DLGAP1: variants seen among roughly 807,000 people sequenced by gnomAD.
DLGAP1 encodes DLG associated protein 1.
A neutral mutation model predicts 90.8 loss-of-function variants in DLGAP1; 11 were observed. That is an observed-to-expected ratio of 0.12 (90% CI 0.08 to 0.20). DLGAP1 has a LOEUF of 0.20. DLGAP1 is among the 10% of genes least tolerant of loss of function. The pLI is 1.00. For synonymous variants in DLGAP1, 558 were observed against 540.7 expected (o/e 1.03, Z -0.44); for missense variants, 1,050 against 1,333.8 (o/e 0.79, Z 3.31).
intron 3 of DLGAP1, among the ~76,000 whole-genome samples, chr18:3,916,247 T>G (rs2148903252): frequency 6.6e-6 from 1 of 152,314 alleles, no homozygotes; most frequent in Non-Finnish European, 1.5e-5. Context: ...AATCTGTTTT[T>G]GTGCCCGTGT....
At chr18:3,804,988 G>A (rs564704589) in intron 5 of DLGAP1, among the ~76,000 whole-genome samples, 76 of 152,340 alleles carry the variant, frequency 5.0e-4, no homozygotes, top group Middle Eastern at 3.4e-3. Context: ...AGATTTAAAA[G>A]AATGGAGACT....
intron 7 of DLGAP1, among the ~76,000 whole-genome samples, chr18:3,636,720 T>C (rs1440778276): frequency 7.3e-6 from 1 of 136,136 alleles, no homozygotes; most frequent in Non-Finnish European, 1.5e-5. Context: ...TCGGCCACTT[T>C]TACATCTTTT....
chr18:3,499,021 G>C lies in DLGAP1; in HGVS notation c.*164C>G, dbSNP rs976798632. Reference sequence around the variant, plus strand: ...GGGTACGGGAAGTGGGGGGCTGAGGGGGGCCCGGGGGGCGGCTCCTGCGAG... The same window carrying C: ...GGGTACGGGAAGTGGGGGGCTGAGGCGGGCCCGGGGGGCGGCTCCTGCGAG... On this transcript the variant is annotated 3_prime_UTR_variant, in exon 13 of 13. Coordinates refer to ENST00000315677, the MANE Select transcript of DLGAP1 (RefSeq NM_004746.4). This position sits in a 1 kb window ranked among gnomAD's most constrained non-coding sequence, Gnocchi z 6.4. 3.2e-5 allele frequency: 20 copies of C among 616,826 alleles called. No homozygotes were observed. Among genetic ancestry groups the C allele is most frequent in the Middle Eastern group, 4.4e-4 (1 of 2,250 alleles). The allele number at this position is 616,826 out of a possible 1,614,324, so 38.2% of individuals were successfully genotyped here. A position where few individuals can be genotyped will look rare whatever the true frequency, so the allele number is the denominator to read the frequency against.
At chr18:3,741,179 CCACCACCACCACCACCACCAAAT>C (rs1568049173) in intron 6 of DLGAP1, among the ~76,000 whole-genome samples, 1 of 77,980 alleles carries the variant, frequency 1.3e-5, no homozygotes, top group African/African-American at 5.6e-5. Context: ...CACATCACCA[CCACCACCACCACCACCACCAAAT>C]CACCACCACC....
chr18:3,874,901 C>G (rs966381833), intron 4 of DLGAP1: 3 of 644,482 alleles, frequency 4.7e-6, no homozygotes, highest in Non-Finnish European at 6.8e-6. Flanking sequence ...CTGGGACTTG[C>G]AACGATTTCA....
At chr18:3,919,483 C>T (rs560355927) in intron 3 of DLGAP1, among the ~76,000 whole-genome samples, 5 of 152,292 alleles carry the variant, frequency 3.3e-5, no homozygotes, top group East Asian at 3.9e-4. Flanking sequence ...GAGGGAGCTA[C>T]GGATGATTTT....
chr18:4,340,281 G>A (rs1199246308), intron 1 of DLGAP1, among the ~76,000 whole-genome samples: 1 of 152,168 alleles, frequency 6.6e-6, no homozygotes, highest in Non-Finnish European at 1.5e-5. Flanking sequence ...GGTGGGGAGT[G>A]TAGACCCTGT....
rs923314204 is a variant in DLGAP1 at position 4,455,093 on chromosome 18, G to C, written c.-354C>G. The C allele has an allele frequency of 5.3e-5, 8 of 151,928 alleles. No individual in the cohort carries two copies. The highest frequency in any genetic ancestry group is 7.2e-5 in the African/African-American group (3 of 41,400). The allele number at this position is 151,928 out of a possible 1,614,324, so 9.4% of individuals were successfully genotyped here. A position where few individuals can be genotyped will look rare whatever the true frequency, so the allele number is the denominator to read the frequency against. ...GGAGGAAGGAGAGAGATGTCCCCGC[G>C]ACCAGGACCGGCTCTCAGCGAGGTG... On this transcript the variant is annotated 5_prime_UTR_variant, in exon 1 of 13. Transcript: ENST00000315677.
chr18:3,635,297 AT>A (rs763659561), intron 7 of DLGAP1, among the ~76,000 whole-genome samples: 3 of 151,570 alleles, frequency 2.0e-5, no homozygotes, highest in Admixed American at 6.6e-5. Context: ...CGCCCGGCTG[AT>A]TTTTTTGTAT....
intron 2 of DLGAP1, among the ~76,000 whole-genome samples, chr18:4,098,473 G>A (rs911790341): frequency 6.6e-6 from 1 of 152,176 alleles, no homozygotes; most frequent in Non-Finnish European, 1.5e-5. Flanking sequence ...CCAGTCCAGG[G>A]CTGCAGTGAT....
chr18:4,137,247 T>C (rs945148213), intron 2 of DLGAP1, among the ~76,000 whole-genome samples: 5 of 152,226 alleles, frequency 3.3e-5, no homozygotes, highest in African/African-American at 1.2e-4. Flanking sequence ...TTTTTATGGC[T>C]GCATAGTATT....
intron 1 of DLGAP1, among the ~76,000 whole-genome samples, chr18:4,219,821 CCTGTTTTATTGTTCACTGTGT>C (rs1207898383): frequency 7.2e-5 from 11 of 152,010 alleles, no homozygotes; most frequent in Non-Finnish European, 1.3e-4. Flanking sequence ...GTGTTTCTAT[CCTGTTTTATTGTTCACTGTGT>C]CTGTTTTTAT....
chr18:4,034,266 A>T (rs907240334), intron 2 of DLGAP1, among the ~76,000 whole-genome samples: 3 of 146,082 alleles, frequency 2.1e-5, no homozygotes, highest in East Asian at 2.1e-4. Context: ...GGTCTCAAAC[A>T]CCTGACTTCA....
intron 1 of DLGAP1, among the ~76,000 whole-genome samples, chr18:4,351,683 T>C (rs2081405344): frequency 6.6e-6 from 1 of 152,200 alleles, no homozygotes; most frequent in Admixed American, 6.5e-5. Context: ...GAGTAGCTAG[T>C]CAGTTATCAG....
chr18:3,611,533 C>A (rs535586464), intron 7 of DLGAP1, among the ~76,000 whole-genome samples: 1 of 152,176 alleles, frequency 6.6e-6, no homozygotes, highest in Non-Finnish European at 1.5e-5. Context: ...CCCACGAAGT[C>A]TTTCCAAAGC....
At chr18:4,056,664 T>A (rs1432382124) in intron 2 of DLGAP1, among the ~76,000 whole-genome samples, 1 of 152,116 alleles carries the variant, frequency 6.6e-6, no homozygotes, top group African/African-American at 2.4e-5. Flanking sequence ...CAGGCTGTGG[T>A]CTGAGGTCTT....
chr18:4,064,917 C>T (rs1332392559), intron 2 of DLGAP1, among the ~76,000 whole-genome samples: 1 of 152,038 alleles, frequency 6.6e-6, no homozygotes, highest in African/African-American at 2.4e-5. Flanking sequence ...AACATTGATG[C>T]AAAAATCCTC....
At chr18:3,528,963 C>T (rs979146010) in intron 10 of DLGAP1, among the ~76,000 whole-genome samples, 12 of 152,214 alleles carry the variant, frequency 7.9e-5, no homozygotes, top group Non-Finnish European at 1.2e-4. Flanking sequence ...CTGTCCCACA[C>T]GGAAGTGCTT....
chr18:4,052,074 C>G (rs2075141977), intron 2 of DLGAP1, among the ~76,000 whole-genome samples: 1 of 152,178 alleles, frequency 6.6e-6, no homozygotes. Flanking sequence ...TGGCTGCTTT[C>G]ATGGGCTGGC....
Sources: gnomAD v4.1 joint callset for allele counts (sites outside exome capture counted in the v4.1 genomes callset) on GRCh38, gnomAD v4.1.1 for gene constraint, Gnocchi (gnomAD v3.1) non-coding constraint, MANE v1.5 for transcripts, NCBI Gene and HGNC (gene_info 2026-07-23, HGNC 2026-07-21) for gene names.